Variants in SCARB1 observed in about 807,000 individuals in gnomAD.
The protein encoded by SCARB1 is scavenger receptor class B member 1, also known as CD36 and LIMPII analogous 1.
A neutral mutation model predicts 57.2 loss-of-function variants in SCARB1; 30 were observed. The ratio of observed to expected loss-of-function variants is 0.52; its 90% CI spans 0.39 to 0.71. The LOEUF is 0.71. SCARB1 is among the 30% of genes least tolerant of loss of function. The pLI, the probability that SCARB1 is intolerant of heterozygous loss-of-function variation, is 0.00. For synonymous variants in SCARB1, 249 were observed against 268.3 expected (o/e 0.93, Z 0.70); for missense variants, 543 against 671.2 (o/e 0.81, Z 2.11).
chr12:124,793,995 A>T (rs1317007625), intron 9 of SCARB1, among the ~76,000 whole-genome samples: 1 of 152,228 alleles, frequency 6.6e-6, no homozygotes, highest in Non-Finnish European at 1.5e-5. Flanking sequence ...CCATGCTACG[A>T]CATGGATGAA....
At chr12:124,859,336 G>A (rs1010612355) in intron 1 of SCARB1, among the ~76,000 whole-genome samples, 5 of 152,070 alleles carry the variant, frequency 3.3e-5, no homozygotes, top group Non-Finnish European at 7.3e-5. Context: ...GACCATCCCG[G>A]CTAACACGGT....
At chr12:124,786,199 C>G in intron 11 of SCARB1, 158 bp downstream of exon 11, 2 of 1,595,476 alleles carry the variant, frequency 1.3e-6, no homozygotes, top group Non-Finnish European at 1.7e-6. Flanking sequence ...GCTGCGCAGC[C>G]CCCAGCAGTG....
At chr12:124,842,611 C>T (rs946748113) in intron 1 of SCARB1, among the ~76,000 whole-genome samples, 2 of 152,226 alleles carry the variant, frequency 1.3e-5, no homozygotes, top group Admixed American at 6.5e-5. Context: ...CCAGAGGAAA[C>T]GTGGCGGTCA....
chr12:124,823,999 T>C (rs1951038885), intron 1 of SCARB1, among the ~76,000 whole-genome samples: 1 of 149,452 alleles, frequency 6.7e-6, no homozygotes. Context: ...ACCCCGCCTC[T>C]ATTAAAAAAA....
intron 11 of SCARB1, chr12:124,783,134 GC>G: frequency 3.0e-6 from 1 of 328,518 alleles, no homozygotes; most frequent in Admixed American, 4.4e-5. Context: ...TAGCTGGGGG[GC>G]TGTTTAAAAT....
intron 1 of SCARB1, among the ~76,000 whole-genome samples, chr12:124,863,312 A>G (rs1952976597): frequency 6.6e-6 from 1 of 152,000 alleles, no homozygotes; most frequent in South Asian, 2.1e-4. Flanking sequence ...AGGGCGGGTC[A>G]GGCGCCCGGG....
At chr12:124,856,955 G>A (rs1450847275) in intron 1 of SCARB1, among the ~76,000 whole-genome samples, 1 of 152,232 alleles carries the variant, frequency 6.6e-6, no homozygotes, top group Non-Finnish European at 1.5e-5. Context: ...CACCAGCAAA[G>A]TTTGGCGGGG....
intron 1 of SCARB1, 80 bp downstream of exon 1, chr12:124,863,515 G>GCC: frequency 6.7e-7 from 1 of 1,485,572 alleles, no homozygotes; most frequent in Non-Finnish European, 9.1e-7. Context: ...CCCACCCACC[G>GCC]CAACGCGCGG....
chr12:124,794,682 G>A lies in SCARB1; in HGVS notation c.1202+513C>T, dbSNP rs150388176. ...ACGGTGGCTCACGCCTGCAATCCCA[G>A]CATGCTGGGAGGCCCAGGTGGGTGG... On this transcript the variant is annotated intron_variant, in intron 9 of 12. Transcript: ENST00000261693. 8.0e-3 allele frequency among the ~76,000 whole-genome samples: 1,223 copies of A among 152,308 alleles called. 17 individuals carry two copies. The highest frequency in any genetic ancestry group is 0.027 in the African/African-American group (1,139 of 41,564).
chr12:124,784,959 GT>G (rs1394181818), intron 11 of SCARB1: 4 of 152,230 alleles, frequency 2.6e-5, no homozygotes, highest in Non-Finnish European at 5.9e-5. Context: ...CCCCTGACCT[GT>G]GCAAAGGGCC....
chr12:124,817,205 T>C lies in SCARB1; in HGVS notation c.284+345A>G, dbSNP rs981346067. Reference sequence around the variant, plus strand: ...CACCCTCCACCCAGACGCACACCATTGGTCCCTCCCTGCTCCATAAAGAAC... The same window carrying C: ...CACCCTCCACCCAGACGCACACCATCGGTCCCTCCCTGCTCCATAAAGAAC... On this transcript the variant is annotated intron_variant, in intron 2 of 12. Transcript: ENST00000261693. This position sits in a 1 kb window ranked among gnomAD's most constrained non-coding sequence, Gnocchi z 4.8. Among the ~76,000 whole-genome samples the C allele has an allele frequency of 2.6e-5, 4 of 151,476 alleles. No individual in the cohort carries two copies. The highest frequency in any genetic ancestry group is 9.7e-5 in the African/African-American group (4 of 41,194).
intron 1 of SCARB1, among the ~76,000 whole-genome samples, chr12:124,849,880 T>C (rs1246317998): frequency 7.8e-6 from 1 of 128,142 alleles, no homozygotes; most frequent in African/African-American, 2.9e-5. Flanking sequence ...CTGGGCAACA[T>C]AGCAAGACCC....
intron 1 of SCARB1, among the ~76,000 whole-genome samples, chr12:124,820,036 A>G (rs1950887555): frequency 6.6e-6 from 1 of 152,232 alleles, no homozygotes; most frequent in Non-Finnish European, 1.5e-5. Flanking sequence ...TGGAAAAATC[A>G]GGAGATCAGA....
chr12:124,795,529 A>G (rs1949914981), intron 8 of SCARB1, among the ~76,000 whole-genome samples: 1 of 152,212 alleles, frequency 6.6e-6, no homozygotes, highest in African/African-American at 2.4e-5. Context: ...TTATGTTCAC[A>G]GCCTCAAAGA....
chr12:124,842,127 A>G (rs1459050346), intron 1 of SCARB1, among the ~76,000 whole-genome samples: 3 of 152,300 alleles, frequency 2.0e-5, no homozygotes, highest in Non-Finnish European at 4.4e-5. Context: ...GGTTTGTCCC[A>G]TCTGTAAAAT....
chr12:124,788,478 G>A (rs1036911191), intron 9 of SCARB1, among the ~76,000 whole-genome samples: 4 of 152,230 alleles, frequency 2.6e-5, no homozygotes, highest in Non-Finnish European at 5.9e-5. Context: ...CAGCTGGGAG[G>A]TGAACCTTTT....
chr12:124,854,210 C>G (rs1010759435), intron 1 of SCARB1, among the ~76,000 whole-genome samples: 3 of 152,196 alleles, frequency 2.0e-5, no homozygotes, highest in Non-Finnish European at 4.4e-5. Flanking sequence ...AGGGGAGGGT[C>G]TCCGTGAGCA....
chr12:124,777,585 A>C lies in SCARB1; in HGVS notation c.*1002T>G, dbSNP rs1193795063. 1 of 152,082 alleles carries C rather than the reference A, an allele frequency of 6.6e-6. No homozygotes were observed. Among genetic ancestry groups the C allele is most frequent in the Non-Finnish European group, 1.5e-5 (1 of 68,022 alleles). 9.4% of individuals were successfully genotyped at this position (152,082 alleles called of 1,614,324 possible). ...AGCCCGGAACTTCCCAGAGGCCCCC[A>C]CCCCCACGACCTCAGCAAACAAGGC... is the stretch of plus-strand genomic sequence containing the variant. On this transcript the variant is annotated 3_prime_UTR_variant, in exon 13 of 13. Transcript: ENST00000261693.
rs1316474310 is a variant in SCARB1, at chr12:124,800,067, C to T, written c.1128+57G>A. 7.7e-7 allele frequency: 1 copy of T among 1,304,428 alleles called. No homozygotes were observed. The highest frequency in any genetic ancestry group is 1.7e-5 in the Admixed American group (1 of 59,520). 80.8% of individuals were successfully genotyped at this position (1,304,428 alleles called of 1,614,324 possible). ...CTCTGCCTGGGGAGAGAGGAGGCAGCCAGGTGTGCTCCAACCAGGAATCAC... is the reference window on the plus strand; with the variant it reads ...CTCTGCCTGGGGAGAGAGGAGGCAGTCAGGTGTGCTCCAACCAGGAATCAC... On this transcript the variant is annotated intron_variant, in intron 8 of 12. Coordinates refer to ENST00000261693, the MANE Select transcript of SCARB1 (RefSeq NM_005505.5). This position sits in a 1 kb window ranked among gnomAD's most constrained non-coding sequence, Gnocchi z 4.8.
Sources: gnomAD v4.1 joint callset for allele counts (sites outside exome capture counted in the v4.1 genomes callset) on GRCh38, gnomAD v4.1.1 for gene constraint, Gnocchi (gnomAD v3.1) non-coding constraint, MANE v1.5 for transcripts, NCBI Gene and HGNC (gene_info 2026-07-23, HGNC 2026-07-21) for gene names.